Variants in FAHD2B observed in about 807,000 individuals in gnomAD.
FAHD2B encodes fumarylacetoacetate hydrolase domain containing 2B.
In FAHD2B, 26 loss-of-function variants were observed where a neutral mutation model predicts 33.7. The observed-to-expected ratio is 0.77, with a 90% CI of 0.57 to 1.07. FAHD2B has a LOEUF of 1.07. FAHD2B is among the 50% of genes least tolerant of loss of function. The pLI, the probability that FAHD2B is intolerant of heterozygous loss-of-function variation, is 0.00. For synonymous variants in FAHD2B, 108 were observed against 150.9 expected (o/e 0.72, Z 2.08); for missense variants, 272 against 388.1 (o/e 0.70, Z 2.51).
At chr2:97,093,907 G>A (rs1419793459) in intron 1 of FAHD2B, among the ~76,000 whole-genome samples, 2 of 152,132 alleles carry the variant, frequency 1.3e-5, no homozygotes, top group African/African-American at 4.8e-5. Flanking sequence ...AGGGAGCTGG[G>A]ATGTGAATCC....
chr2:97,088,290 C>A (rs1160978218), intron 4 of FAHD2B, among the ~76,000 whole-genome samples: 1 of 152,042 alleles, frequency 6.6e-6, no homozygotes, highest in African/African-American at 2.4e-5. Context: ...GCTCTGTGTC[C>A]CCACCCAAAT....
intron 6 of FAHD2B, 152 bp from the exon 7 acceptor site, chr2:97,084,429 T>G: frequency 1.2e-6 from 1 of 850,486 alleles, no homozygotes; most frequent in Non-Finnish European, 1.8e-6. Context: ...GTTAGAACTT[T>G]CTGTATAGAC....
chr2:97,080,541 T>C (rs1332247212), downstream of FAHD2B, among the ~76,000 whole-genome samples: 13 of 152,018 alleles, frequency 8.6e-5, no homozygotes, highest in East Asian at 2.5e-3. Context: ...GATTTTTCTT[T>C]TTGCTGAGAA....
chr2:97,082,464 G>A (rs532369897), downstream of FAHD2B: 9 of 1,613,276 alleles, frequency 5.6e-6, no homozygotes, highest in Admixed American at 1.7e-5. Context: ...AGGGATCTTC[G>A]GTGAGTCTCA....
chr2:97,093,219 A>T (rs781471678), intron 1 of FAHD2B, among the ~76,000 whole-genome samples: 5 of 151,932 alleles, frequency 3.3e-5, no homozygotes, highest in Non-Finnish European at 5.9e-5. Context: ...TCACTTGGAG[A>T]TTCAATCTGC....
chr2:97,080,383 T>C (rs1481661990), downstream of FAHD2B, among the ~76,000 whole-genome samples: 2 of 152,214 alleles, frequency 1.3e-5, no homozygotes, highest in Non-Finnish European at 2.9e-5. Context: ...GTTTGTCAAA[T>C]ATCGGATTGC....
chr2:97,091,788 T>C, intron 2 of FAHD2B, 75 bp downstream of exon 2: 1 of 1,540,586 alleles, frequency 6.5e-7, no homozygotes, highest in Non-Finnish European at 8.7e-7. Context: ...TTCCTAGGGC[T>C]ATAGCCCAAG....
chr2:97,093,585 C>T (rs2032486157), intron 1 of FAHD2B, among the ~76,000 whole-genome samples: 1 of 150,948 alleles, frequency 6.6e-6, no homozygotes, highest in Non-Finnish European at 1.5e-5. Flanking sequence ...TGCCATTCTC[C>T]TGCCTCAGCC....
intron 1 of FAHD2B, among the ~76,000 whole-genome samples, chr2:97,094,336 C>G (rs2153384408): frequency 6.7e-6 from 1 of 148,606 alleles, no homozygotes; most frequent in African/African-American, 2.5e-5. Context: ...AAAGGGATGA[C>G]GTCAGGTGCC....
At chr2:97,089,517 CAAA>C (rs544124576) in intron 4 of FAHD2B, among the ~76,000 whole-genome samples, 10 of 61,730 alleles carry the variant, frequency 1.6e-4, no homozygotes, top group Non-Finnish European at 2.1e-4. Flanking sequence ...GACTCTGTCT[CAAA>C]AAAAAAAAAA....
At chr2:97,091,209 C>T (rs1292417461) in intron 3 of FAHD2B, among the ~76,000 whole-genome samples, 1 of 96,824 alleles carries the variant, frequency 1.0e-5, no homozygotes, top group Non-Finnish European at 2.8e-5. Flanking sequence ...AGTATAGAGT[C>T]CTGGTTCCAG....
At chr2:97,092,859 G>C (rs1179519743) in intron 1 of FAHD2B, among the ~76,000 whole-genome samples, 3 of 149,582 alleles carry the variant, frequency 2.0e-5, no homozygotes, top group Non-Finnish European at 4.4e-5. Context: ...TGTAATCCCA[G>C]CTACTAGGGA....
rs373220834 is a variant in FAHD2B, at chr2:97,086,172, G to A, written c.489C>T (p.Ala163=). Residue 163 remains alanine, a synonymous_variant, in exon 5 of 9, where the codon GCC becomes GCT. Coordinates refer to ENST00000414820, the MANE Select transcript of FAHD2B (RefSeq NM_001320848.2). ...GCTTGCCTTTCTTTCCAATGACCAC[G>A]GCCAGCTCCACTTCCCAATCTACCT... The part of the protein sequence containing the change: ...SQEVDWEVEL[A]VVIGKKGKHI... 9.6e-5 allele frequency: 155 copies of A among 1,612,594 alleles called. 1 individual carries two copies. Among genetic ancestry groups the A allele is most frequent in the Admixed American group, 1.3e-4 (8 of 59,724 alleles).
intron 4 of FAHD2B, among the ~76,000 whole-genome samples, chr2:97,088,294 C>A (rs1182022533): frequency 6.6e-6 from 1 of 152,068 alleles, no homozygotes; most frequent in Admixed American, 6.6e-5. Flanking sequence ...TGTGTCCCCA[C>A]CCAAATCTCA....
chr2:97,094,140 G>A (rs972327975), intron 1 of FAHD2B, among the ~76,000 whole-genome samples: 4 of 152,108 alleles, frequency 2.6e-5, no homozygotes, highest in Admixed American at 6.6e-5. Flanking sequence ...GCCATGCGTG[G>A]GGAAACTACA....
In FAHD2B at chr2:97,085,701, G is replaced by A; in HGVS notation, c.683C>T (p.Ala228Val). 1 of 1,613,804 alleles carries A rather than the reference G, an allele frequency of 6.2e-7. No individual in the cohort carries two copies. The highest frequency in any genetic ancestry group is 8.5e-7 in the Non-Finnish European group (1 of 1,179,834). ...GGGGGCAGGGACCAGGGACCTACCT[G>A]CTACACTGTCCTTGGTCACCAAGGC... ...GPALVTKDSVADPHNLKICCR... is the reference protein window; with the variant it reads ...GPALVTKDSVVDPHNLKICCR... Residue 228 changes from alanine to valine, a missense_variant and splice_region_variant, in exon 6 of 9, where the codon GCA becomes GTA. Ala to Val is a moderately conservative substitution (Grantham distance 64). Coordinates refer to ENST00000414820, the MANE Select transcript of FAHD2B (RefSeq NM_001320848.2).
chr2:97,080,577 T>G (rs2031607183), downstream of FAHD2B, among the ~76,000 whole-genome samples: 1 of 152,082 alleles, frequency 6.6e-6, no homozygotes, highest in Non-Finnish European at 1.5e-5. Context: ...AGGCTCTCTT[T>G]GGGTTCCACA....
chr2:97,082,045 A>T, downstream of FAHD2B: 2 of 1,587,564 alleles, frequency 1.3e-6, no homozygotes, highest in East Asian at 2.3e-5. Context: ...GCTGCTGTGG[A>T]AACCGAGTGG....
chr2:97,083,953 G>C lies in FAHD2B; in HGVS notation c.877C>G (p.Leu293Val), dbSNP rs758842463. Residue 293 changes from leucine to valine, a missense_variant, in exon 8 of 9, where the codon CTC becomes GTC. Leu to Val is a conservative substitution (Grantham distance 32). Coordinates refer to ENST00000414820, the MANE Select transcript of FAHD2B (RefSeq NM_001320848.2). ...TTTGCTTTTCGCTAACCTACCTTGA[G>C]AAAGACAGGAGGTTTCCTGAATACA... Reference protein sequence around the residue: ...VGVFRKPPVFLKKGDEVQCEI... With the variant: ...VGVFRKPPVFVKKGDEVQCEI... 6 of 1,613,758 alleles carry C rather than the reference G, an allele frequency of 3.7e-6. No individual in the cohort carries two copies. Among genetic ancestry groups the C allele is most frequent in the Non-Finnish European group, 8.5e-7 (1 of 1,179,980 alleles).
Sources: allele counts gnomAD v4.1 joint callset (sites outside exome capture counted in the v4.1 genomes callset), GRCh38; gene constraint gnomAD v4.1.1; transcripts MANE v1.5; gene names NCBI Gene and HGNC (gene_info 2026-07-23, HGNC 2026-07-21).